ZNF800: variants seen among roughly 807,000 people sequenced by gnomAD.
The protein encoded by ZNF800 is zinc finger protein 800.
In ZNF800, 13 loss-of-function variants were observed where a neutral mutation model predicts 59.5. The ratio of observed to expected loss-of-function variants is 0.22; its 90% CI spans 0.14 to 0.35. ZNF800 has a LOEUF of 0.35. Among genes scored for constraint, ZNF800 ranks in the 10% least tolerant of loss-of-function variants. The probability of loss-of-function intolerance (pLI) is 1.00; values close to 1 mark genes in which losing one functional copy is unlikely to be tolerated. For synonymous variants in ZNF800, 266 were observed against 265.7 expected (o/e 1.00, Z -0.01); for missense variants, 621 against 783.7 (o/e 0.79, Z 2.48).
chr7:127,386,688 A>C (rs1039902432), intron 2 of ZNF800, among the ~76,000 whole-genome samples: 1 of 152,256 alleles, frequency 6.6e-6, no homozygotes, highest in South Asian at 2.1e-4. Flanking sequence ...AGTGCTCTGC[A>C]GCACTGTATA....
At chr7:127,357,003 G>A (rs1283690909) in intron 1 of ZNF800, among the ~76,000 whole-genome samples, 1 of 151,962 alleles carries the variant, frequency 6.6e-6, no homozygotes, top group Admixed American at 6.6e-5. Context: ...CAGACCAATG[G>A]CATCTTGAGT....
At chr7:127,389,730 G>A (rs1801248988) in intron 2 of ZNF800, among the ~76,000 whole-genome samples, 1 of 152,120 alleles carries the variant, frequency 6.6e-6, no homozygotes. Context: ...TGATAAGTCT[G>A]AAAATTAACC....
At position 127,381,525 on chromosome 7, in the gene ZNF800, T is replaced by G. The variant is rs572087583; in HGVS notation, c.158-4196A>C. Among the ~76,000 whole-genome samples the G allele has an allele frequency of 2.0e-5, 3 of 152,114 alleles. No homozygotes were observed. In the East Asian group the frequency reaches 5.8e-4, roughly 29 times the overall value. The stretch of plus-strand genomic sequence containing the variant: ...CAATTATCTTAGGACAGTGCCTACT[T>G]GGGGAATCTTTTAGTTTAATCTAAC... On this transcript the variant is annotated intron_variant, in intron 3 of 5. Transcript: ENST00000265827.
chr7:127,346,418 T>C (rs549665110), downstream of ZNF800, among the ~76,000 whole-genome samples: 10 of 152,296 alleles, frequency 6.6e-5, no homozygotes, highest in African/African-American at 2.2e-4. Flanking sequence ...GTAAGGCCCA[T>C]GGAAGGCAGA....
At chr7:127,359,153 G>A (rs1383733587) in intron 1 of ZNF800, among the ~76,000 whole-genome samples, 2 of 152,028 alleles carry the variant, frequency 1.3e-5, no homozygotes, top group Non-Finnish European at 2.9e-5. Context: ...AGGAATTTGG[G>A]TTAATTCAAC....
At chr7:127,369,254 T>C (rs968955732), downstream of ZNF800, among the ~76,000 whole-genome samples, 1 of 152,118 alleles carries the variant, frequency 6.6e-6, no homozygotes, top group Non-Finnish European at 1.5e-5. Flanking sequence ...TCTTAATTGA[T>C]CAAATAGCAG....
chr7:127,385,668 T>C (rs551752704), intron 3 of ZNF800, among the ~76,000 whole-genome samples: 1 of 152,192 alleles, frequency 6.6e-6, no homozygotes, highest in East Asian at 1.9e-4. Context: ...ACAAATGACA[T>C]CTCAGACATT....
intron 1 of ZNF800, among the ~76,000 whole-genome samples, chr7:127,355,862 G>A (rs748653043): frequency 2.0e-5 from 3 of 151,968 alleles, no homozygotes; most frequent in Admixed American, 1.3e-4. Flanking sequence ...CTTTTTAATA[G>A]GCAGGGCCCT....
At chr7:127,379,852 A>ACCCCCCCCCCCCCCCC (rs1562907479) in intron 3 of ZNF800, among the ~76,000 whole-genome samples, 3 of 16,192 alleles carry the variant, frequency 1.9e-4, no homozygotes, top group Admixed American at 7.5e-4. Context: ...CCACCCCCCC[A>ACCCCCCCCCCCCCCCC]CCCCCCCCAC....
chr7:127,353,046 C>T (rs1587421243), intron 1 of ZNF800, among the ~76,000 whole-genome samples: 1 of 152,062 alleles, frequency 6.6e-6, no homozygotes, highest in Admixed American at 6.5e-5. Context: ...TTTTTTCCCC[C>T]CAATGGCACC....
intron 2 of ZNF800, 116 bp downstream of exon 2, chr7:127,391,381 T>C: frequency 1.0e-6 from 1 of 997,894 alleles, no homozygotes; most frequent in Non-Finnish European, 1.6e-6. Context: ...TGCTAGGGAA[T>C]ATCATAGCCT....
chr7:127,380,279 C>T (rs1419483026), intron 3 of ZNF800, among the ~76,000 whole-genome samples: 1 of 152,080 alleles, frequency 6.6e-6, no homozygotes, highest in Non-Finnish European at 1.5e-5. Flanking sequence ...ATGCTCACCG[C>T]TACCCCAGCT....
intron 1 of ZNF800, among the ~76,000 whole-genome samples, chr7:127,357,886 C>T (rs1490062252): frequency 7.2e-5 from 11 of 151,742 alleles, no homozygotes; most frequent in African/African-American, 2.7e-4. Context: ...TAGCCAAATA[C>T]CTGCTCCCAA....
At chr7:127,357,768 CAATTT>C (rs1162470728) in intron 1 of ZNF800, among the ~76,000 whole-genome samples, 18 of 151,676 alleles carry the variant, frequency 1.2e-4, no homozygotes, top group African/African-American at 4.1e-4. Context: ...AATACTATTA[CAATTT>C]AATTATTCAG....
At chr7:127,379,160 T>C (rs1443374114) in intron 3 of ZNF800, among the ~76,000 whole-genome samples, 1 of 152,142 alleles carries the variant, frequency 6.6e-6, no homozygotes, top group Non-Finnish European at 1.5e-5. Context: ...TAAATTCTCA[T>C]ATATATATTT....
downstream of ZNF800, among the ~76,000 whole-genome samples, chr7:127,344,647 A>G (rs962431447): frequency 8.5e-5 from 13 of 152,162 alleles, no homozygotes; most frequent in African/African-American, 3.1e-4. Context: ...AATAATTAAC[A>G]GCATGGTTAA....
Position 127,377,985 on chromosome 7 carries a change from G to A in ZNF800, c.158-656C>T, listed in dbSNP as rs1038642224. ...AGACATAATTTTGAACTATGCTTAC[G>A]CCTCTTGACAGCACTATAAATTTAT... is the stretch of plus-strand genomic sequence containing the variant. On this transcript the variant is annotated intron_variant, in intron 3 of 5. Transcript: ENST00000265827. This position sits in a 1 kb window ranked among gnomAD's most constrained non-coding sequence, Gnocchi z 4.7. Among the ~76,000 whole-genome samples, 2 of 151,824 alleles carry A rather than the reference G, an allele frequency of 1.3e-5. No individual in the cohort carries two copies. The highest frequency in any genetic ancestry group is 2.9e-5 in the Non-Finnish European group (2 of 67,874).
At position 127,373,343 on chromosome 7, in the gene ZNF800, A is replaced by C; in HGVS notation, c.1993T>G (p.Ter665GlyextTer1). The C allele has an allele frequency of 6.3e-7, 1 of 1,577,072 alleles. No individual in the cohort carries two copies. Among genetic ancestry groups the C allele is most frequent in the East Asian group, 2.3e-5 (1 of 44,406 alleles). ...AAAACTCTGTTAACTGTTCCTCACC[A>C]GACAAGAGCCTTAGATCTTGTACTT... ...GRSTRSKALV[*>G] Residue 665 changes from the stop codon to glycine (G), a stop_lost and splice_region_variant, in exon 5 of 6, where the codon TGA becomes GGA. Transcript: ENST00000265827.
At chr7:127,344,473 C>T (rs891625409), downstream of ZNF800, among the ~76,000 whole-genome samples, 7 of 151,908 alleles carry the variant, frequency 4.6e-5, no homozygotes, top group East Asian at 1.2e-3. Context: ...TAAAGCAATT[C>T]CAAACAAAAT....
Sources: gnomAD v4.1 joint callset for allele counts (sites outside exome capture counted in the v4.1 genomes callset) on GRCh38, gnomAD v4.1.1 for gene constraint, Gnocchi (gnomAD v3.1) non-coding constraint, MANE v1.5 for transcripts, NCBI Gene and HGNC (gene_info 2026-07-23, HGNC 2026-07-21) for gene names.